GPHN: variants seen among roughly 807,000 people sequenced by gnomAD.
GPHN encodes gephyrin.
In GPHN, 17 loss-of-function variants were observed where a neutral mutation model predicts 95.5. That is an observed-to-expected ratio of 0.18 (90% CI 0.12 to 0.27). GPHN has a LOEUF of 0.27. Ranked by LOEUF, GPHN falls within the 10% of genes least tolerant of loss-of-function variation. GPHN has a pLI of 1.00. For missense variants in GPHN, 660 were observed against 978.1 expected, an observed-to-expected ratio of 0.67 and a Z score of 4.34; for synonymous variants, 320 against 322.5, an observed-to-expected ratio of 0.99 and a Z score of 0.08.
At chr14:66,559,643 C>T (rs1291287200) in intron 1 of GPHN, among the ~76,000 whole-genome samples, 3 of 151,642 alleles carry the variant, frequency 2.0e-5, no homozygotes, top group South Asian at 4.2e-4. Context: ...ATATTAGCCC[C>T]TTGTCAGATG....
At chr14:67,421,746 C>G in the GPHN span, among the ~76,000 whole-genome samples, 1 of 152,132 alleles carries the variant, frequency 6.6e-6, no homozygotes, top group African/African-American at 2.4e-5. Context: ...GAGGGGCCCT[C>G]CAACACTTTG....
chr14:67,641,845 C>T, the GPHN span, among the ~76,000 whole-genome samples: 4 of 152,100 alleles, frequency 2.6e-5, no homozygotes, highest in Non-Finnish European at 4.4e-5. Flanking sequence ...TACTTAATTT[C>T]CTTTAAAATT....
At chr14:66,544,353 TC>T (rs2059456711) in intron 1 of GPHN, among the ~76,000 whole-genome samples, 1 of 152,238 alleles carries the variant, frequency 6.6e-6, no homozygotes, top group Non-Finnish European at 1.5e-5. Context: ...TCTGTTTCTT[TC>T]CTATAGCATT....
chr14:67,174,153 A>C (rs541405357), intron 21 of GPHN, among the ~76,000 whole-genome samples: 1 of 152,184 alleles, frequency 6.6e-6, no homozygotes, highest in African/African-American at 2.4e-5. Context: ...TACATGTGCC[A>C]TGTTGGTTTC....
At chr14:67,365,699 T>A in the GPHN span, among the ~76,000 whole-genome samples, 1 of 152,188 alleles carries the variant, frequency 6.6e-6, no homozygotes, top group Non-Finnish European at 1.5e-5. Context: ...CTTACTATAA[T>A]TTGTTAGGTG....
At chr14:67,059,593 GAAACTC>G (rs1163972331) in intron 11 of GPHN, among the ~76,000 whole-genome samples, 1 of 152,030 alleles carries the variant, frequency 6.6e-6, no homozygotes, top group African/African-American at 2.4e-5. Flanking sequence ...TTTTGTCAAG[GAAACTC>G]AAACTCAGAA....
At position 66,719,638 on chromosome 14, in the gene GPHN, C is replaced by T. The variant is rs76311753; in HGVS notation, c.143+38453C>T. ...CTCTGTTCATCCCAGTCAGAGCTGC[C>T]ATGTAGTCCTGCCTCCCATCCACCA... On this transcript the variant is annotated intron_variant, in intron 2 of 22. Coordinates refer to ENST00000478722, the MANE Select transcript of GPHN (RefSeq NM_020806.5). 2.8e-4 allele frequency among the ~76,000 whole-genome samples: 43 copies of T among 152,206 alleles called. No individual in the cohort carries two copies. The East Asian group carries it at 8.1e-3, about 29-fold the overall frequency.
the GPHN span, among the ~76,000 whole-genome samples, chr14:67,266,624 C>T: frequency 6.6e-6 from 1 of 152,076 alleles, no homozygotes. Context: ...CCTCGCCCAG[C>T]TGAAATATTT....
At chr14:67,607,579 A>C in the GPHN span, among the ~76,000 whole-genome samples, 4 of 152,100 alleles carry the variant, frequency 2.6e-5, no homozygotes, top group South Asian at 8.3e-4. Flanking sequence ...GTTGGCCAGG[A>C]TGGTCTTGAT....
At chr14:67,125,045 G>A (rs1425537613) in intron 17 of GPHN, among the ~76,000 whole-genome samples, 1 of 151,936 alleles carries the variant, frequency 6.6e-6, no homozygotes, top group Admixed American at 6.6e-5. Flanking sequence ...ACAGGTTAAG[G>A]CAATTCAGTG....
At chr14:67,198,161 A>G in the GPHN span, 1 of 1,608,124 alleles carries the variant, frequency 6.2e-7, no homozygotes, top group South Asian at 1.1e-5. Flanking sequence ...GTGCAAGCGC[A>G]ATGAAGAAGA....
At chr14:67,581,655 C>T in the GPHN span, 3 of 185,074 alleles carry the variant, frequency 1.6e-5, 1 homozygote, top group South Asian at 3.3e-4. Flanking sequence ...ATACCAATTC[C>T]AGGAAATACA....
At chr14:66,677,717 A>C (rs930813391) in intron 1 of GPHN, among the ~76,000 whole-genome samples, 1 of 152,026 alleles carries the variant, frequency 6.6e-6, no homozygotes, top group African/African-American at 2.4e-5. Flanking sequence ...TGTCTTGTAG[A>C]ATGTTCTATG....
At chr14:66,961,986 A>G (rs1156363747) in intron 8 of GPHN, among the ~76,000 whole-genome samples, 1 of 136,836 alleles carries the variant, frequency 7.3e-6, no homozygotes, top group Non-Finnish European at 1.6e-5. Context: ...TGGGTATCAT[A>G]ACACCCATGG....
chr14:66,831,256 G>A (rs941376013), intron 4 of GPHN, among the ~76,000 whole-genome samples: 7 of 151,980 alleles, frequency 4.6e-5, no homozygotes, highest in African/African-American at 1.7e-4. Flanking sequence ...ATTTGATTTT[G>A]TTTTGAGTAA....
At chr14:67,224,851 T>C in the GPHN span, 1 of 320,078 alleles carries the variant, frequency 3.1e-6, no homozygotes, top group Non-Finnish European at 5.7e-6. Context: ...AGGTTCATTC[T>C]TTGTTTATAA....
At chr14:66,812,674 C>A (rs1186863475) in intron 3 of GPHN, among the ~76,000 whole-genome samples, 1 of 152,114 alleles carries the variant, frequency 6.6e-6, no homozygotes, top group Non-Finnish European at 1.5e-5. Context: ...AAATTTAAGA[C>A]CCCACCTGAG....
At chr14:67,529,850 C>A in the GPHN span, among the ~76,000 whole-genome samples, 285 of 152,328 alleles carry the variant, frequency 1.9e-3, 3 homozygotes, top group Admixed American at 5.3e-3. Context: ...CCCCAAGTTT[C>A]CTGGGAGTCT....
At chr14:66,971,852 T>C (rs752976310) in intron 9 of GPHN, among the ~76,000 whole-genome samples, 4 of 151,936 alleles carry the variant, frequency 2.6e-5, no homozygotes, top group African/African-American at 4.8e-5. Context: ...TGTTATATTA[T>C]ATCAAAAAGT....
Sources: allele counts gnomAD v4.1 joint callset (sites outside exome capture counted in the v4.1 genomes callset), GRCh38; gene constraint gnomAD v4.1.1; transcripts MANE v1.5; gene names NCBI Gene and HGNC (gene_info 2026-07-23, HGNC 2026-07-21).